ZBTB16: variants seen among roughly 807,000 people sequenced by gnomAD.
The protein encoded by ZBTB16 is zinc finger and BTB domain-containing protein 16.
A neutral mutation model predicts 56.8 loss-of-function variants in ZBTB16; 8 were observed. That is an observed-to-expected ratio of 0.14 (90% CI 0.08 to 0.25). ZBTB16 has a LOEUF of 0.25. Ranked by LOEUF, ZBTB16 falls within the 10% of genes least tolerant of loss-of-function variation. The probability of loss-of-function intolerance (pLI) is 1.00; values close to 1 mark genes in which losing one functional copy is unlikely to be tolerated. For missense variants in ZBTB16, 625 were observed against 903.0 expected, an observed-to-expected ratio of 0.69 and a Z score of 3.95; for synonymous variants, 363 against 368.5, an observed-to-expected ratio of 0.98 and a Z score of 0.17.
chr11:114,171,300 T>G (rs1942960636), intron 3 of ZBTB16, among the ~76,000 whole-genome samples: 1 of 152,228 alleles, frequency 6.6e-6, no homozygotes, highest in Non-Finnish European at 1.5e-5. Context: ...TGGGGATCTT[T>G]TCTAGCCCAT....
At chr11:114,081,380 A>G (rs1278337378) in intron 2 of ZBTB16, among the ~76,000 whole-genome samples, 1 of 151,372 alleles carries the variant, frequency 6.6e-6, no homozygotes. Context: ...TTCCTTGAAG[A>G]GCTTATACTT....
chr11:114,079,109 AAAAAG>A (rs995130794), intron 2 of ZBTB16, among the ~76,000 whole-genome samples: 16 of 145,420 alleles, frequency 1.1e-4, no homozygotes, highest in South Asian at 2.3e-4. Context: ...TTAAAAAAAA[AAAAAG>A]AAGAAGAAGA....
In ZBTB16 at chr11:114,153,109, A is replaced by G. The variant is rs371197458; in HGVS notation, c.1269-3228A>G. Among the ~76,000 whole-genome samples, 36 of 152,352 alleles carry G rather than the reference A, an allele frequency of 2.4e-4. No individual in the cohort carries two copies. The East Asian group carries it at 6.2e-3, about 26-fold the overall frequency. On this transcript the variant is annotated intron_variant, in intron 2 of 6. Coordinates refer to ENST00000335953, the MANE Select transcript of ZBTB16 (RefSeq NM_006006.6). ...CTGCAGACTGTGCCATGGAGAGTCT[A>G]CTGGTAGCCAGGTACCTCAAATGCA...
At chr11:114,148,986 T>G (rs1420307681) in intron 2 of ZBTB16, among the ~76,000 whole-genome samples, 4 of 151,938 alleles carry the variant, frequency 2.6e-5, no homozygotes, top group Non-Finnish European at 5.9e-5. Flanking sequence ...TGTTTGCTCA[T>G]TCAGTCAACA....
At chr11:114,221,309 G>T (rs538471237) in intron 4 of ZBTB16, among the ~76,000 whole-genome samples, 1 of 152,154 alleles carries the variant, frequency 6.6e-6, no homozygotes, top group Admixed American at 6.5e-5. Flanking sequence ...TGTACCAACC[G>T]TGTGTGACTG....
chr11:114,082,500 C>T (rs933343134), intron 2 of ZBTB16, among the ~76,000 whole-genome samples: 1 of 152,164 alleles, frequency 6.6e-6, no homozygotes, highest in Non-Finnish European at 1.5e-5. Flanking sequence ...GAGTTGGAGC[C>T]TTGGAAGGCA....
chr11:114,080,571 A>G (rs756787754), intron 2 of ZBTB16, among the ~76,000 whole-genome samples: 1 of 152,156 alleles, frequency 6.6e-6, no homozygotes, highest in Non-Finnish European at 1.5e-5. Flanking sequence ...AATGCTTACT[A>G]TGTGTTTTGT....
chr11:114,205,350 C>T (rs374151587), intron 4 of ZBTB16, among the ~76,000 whole-genome samples: 2 of 150,890 alleles, frequency 1.3e-5, no homozygotes, highest in South Asian at 2.1e-4. Context: ...GTGGAGCTTG[C>T]AGTGAGCCGA....
At chr11:114,201,872 C>T (rs372459967) in intron 4 of ZBTB16, among the ~76,000 whole-genome samples, 3 of 152,148 alleles carry the variant, frequency 2.0e-5, no homozygotes, top group South Asian at 2.1e-4. Context: ...ATATCACTTA[C>T]ATAATTTTAA....
intron 2 of ZBTB16, among the ~76,000 whole-genome samples, chr11:114,087,410 A>G (rs1006234227): frequency 1.5e-5 from 2 of 129,864 alleles, no homozygotes; most frequent in African/African-American, 5.1e-5. Flanking sequence ...GCAAGGATCT[A>G]GAATGTGATG....
intron 2 of ZBTB16, among the ~76,000 whole-genome samples, chr11:114,073,607 T>C (rs190611380): frequency 1.1e-4 from 17 of 152,330 alleles, no homozygotes; most frequent in Admixed American, 1.0e-3. Flanking sequence ...CCTAGCTCAC[T>C]TTCAACTGTG....
intron 2 of ZBTB16, among the ~76,000 whole-genome samples, chr11:114,142,076 G>A (rs1020412441): frequency 6.6e-6 from 1 of 152,186 alleles, no homozygotes; most frequent in Non-Finnish European, 1.5e-5. Context: ...GACTGAAAAG[G>A]CACTTGGGCT....
At chr11:114,154,703 G>T (rs559154842) in intron 2 of ZBTB16, among the ~76,000 whole-genome samples, 4 of 152,176 alleles carry the variant, frequency 2.6e-5, no homozygotes, top group African/African-American at 7.2e-5. Context: ...ACATGGGGGG[G>T]TGGTACCCCT....
chr11:114,152,021 C>A (rs1942290444), intron 2 of ZBTB16, among the ~76,000 whole-genome samples: 2 of 152,208 alleles, frequency 1.3e-5, no homozygotes, highest in Non-Finnish European at 2.9e-5. Context: ...TGCTTCTATG[C>A]AGTAGCCATT....
intron 4 of ZBTB16, 43 bp downstream of exon 4, chr11:114,187,081 T>C (rs1245883127): frequency 6.3e-7 from 1 of 1,592,912 alleles, no homozygotes; most frequent in Non-Finnish European, 8.6e-7. Flanking sequence ...TTCCACAGTG[T>C]TGGTAGCACA....
At chr11:114,230,999 GT>G (rs755806676) in intron 4 of ZBTB16, among the ~76,000 whole-genome samples, 5 of 152,096 alleles carry the variant, frequency 3.3e-5, no homozygotes, top group East Asian at 3.9e-4. Context: ...AGGTTTTTGG[GT>G]TTTTTTCCCC....
At chr11:114,070,610 G>T (rs1002901743) in intron 2 of ZBTB16, among the ~76,000 whole-genome samples, 1 of 152,150 alleles carries the variant, frequency 6.6e-6, no homozygotes, top group Admixed American at 6.5e-5. Context: ...AGTCCTGGGC[G>T]CTCTGCACCA....
intron 3 of ZBTB16, among the ~76,000 whole-genome samples, chr11:114,166,442 C>T (rs1389414790): frequency 1.3e-5 from 2 of 151,986 alleles, no homozygotes; most frequent in Non-Finnish European, 2.9e-5. Flanking sequence ...ATCGGGGACA[C>T]AGTCCTAATC....
chr11:114,147,414 G>A (rs1016139210), intron 2 of ZBTB16, among the ~76,000 whole-genome samples: 3 of 152,176 alleles, frequency 2.0e-5, no homozygotes, highest in African/African-American at 7.2e-5. Context: ...CCCAGAAATC[G>A]GTTATTTGTG....
Sources: allele counts gnomAD v4.1 joint callset (sites outside exome capture counted in the v4.1 genomes callset), GRCh38; gene constraint gnomAD v4.1.1; transcripts MANE v1.5; gene names NCBI Gene and HGNC (gene_info 2026-07-23, HGNC 2026-07-21).